DCBLD2: variants seen among roughly 807,000 people sequenced by gnomAD.
The protein encoded by DCBLD2 is discoidin, CUB and LCCL domain containing 2, also known as discoidin, CUB and LCCL domain-containing protein 2.
Under a neutral mutation model 86.8 loss-of-function variants are expected in DCBLD2, and 54 were observed. That is an observed-to-expected ratio of 0.62 (90% CI 0.50 to 0.78). The LOEUF (loss-of-function observed/expected upper bound fraction) is 0.78, where lower values mean the gene tolerates loss of function less well. Ranked by LOEUF, DCBLD2 falls within the 30% of genes least tolerant of loss-of-function variation. The pLI is 0.00. For missense variants in DCBLD2, 908 were observed against 954.2 expected (o/e 0.95, Z 0.64); for synonymous variants, 354 against 341.3 (o/e 1.04, Z -0.41).
At chr3:98,824,155 G>A (rs1942172996) in intron 4 of DCBLD2, among the ~76,000 whole-genome samples, 1 of 152,146 alleles carries the variant, frequency 6.6e-6, no homozygotes, top group Admixed American at 6.5e-5. Context: ...CTATGGTGAA[G>A]AGTATGGAAT....
intron 2 of DCBLD2, among the ~76,000 whole-genome samples, chr3:98,852,653 A>AT (rs1942861605): frequency 1.3e-5 from 2 of 152,228 alleles, no homozygotes; most frequent in African/African-American, 4.8e-5. Flanking sequence ...TGAACTAATC[A>AT]GGTAGGCCCA....
Position 98,811,473 on chromosome 3 carries a change from G to A in DCBLD2, c.1445C>T (p.Ala482Val), listed in dbSNP as rs143662022. Residue 482 changes from alanine (A) to valine (V), a missense_variant, in exon 11 of 16, where the codon GCC becomes GTC. Ala to Val is a moderately conservative substitution (Grantham distance 64). This residue lies in a region of DCBLD2 where 606 missense variants were observed against 678.5 expected (regional missense o/e 0.89). Coordinates refer to ENST00000326840, the MANE Select transcript of DCBLD2 (RefSeq NM_080927.4). ...LKNTTAPPKI[A>V]KGRAPKFTQP... ...CACATTAAAAACAGGCATACCTTTG[G>A]CTATTTTTGGAGGGGCTGTAGTGTT... 5.6e-6 allele frequency: 9 copies of A among 1,613,514 alleles called. No individual in the cohort carries two copies. Among genetic ancestry groups the A allele is most frequent in the Non-Finnish European group, 7.6e-6 (9 of 1,179,638 alleles).
intron 2 of DCBLD2, among the ~76,000 whole-genome samples, chr3:98,869,642 G>C (rs977210076): frequency 6.6e-6 from 1 of 152,146 alleles, no homozygotes; most frequent in Non-Finnish European, 1.5e-5. Flanking sequence ...ACATAAACAC[G>C]TTCTTTGAGG....
chr3:98,849,363 C>A, intron 3 of DCBLD2, 98 bp downstream of exon 3: 1 of 1,461,128 alleles, frequency 6.8e-7, no homozygotes, highest in South Asian at 1.2e-5. Flanking sequence ...TCTTTCTGCT[C>A]TATTCCAATT....
chr3:98,891,542 T>C (rs1463804735), intron 1 of DCBLD2, among the ~76,000 whole-genome samples: 1 of 152,112 alleles, frequency 6.6e-6, no homozygotes, highest in Non-Finnish European at 1.5e-5. Flanking sequence ...AAATACTAAC[T>C]GGGTCATGTA....
At chr3:98,827,627 AG>A (rs1942245743) in intron 3 of DCBLD2, among the ~76,000 whole-genome samples, 1 of 152,260 alleles carries the variant, frequency 6.6e-6, no homozygotes, top group Non-Finnish European at 1.5e-5. Context: ...GACAGCTACA[AG>A]GAGAGCCAAG....
At chr3:98,846,018 T>A (rs1942714745) in intron 3 of DCBLD2, among the ~76,000 whole-genome samples, 1 of 152,222 alleles carries the variant, frequency 6.6e-6, no homozygotes, top group Non-Finnish European at 1.5e-5. Context: ...TCGTTTAATA[T>A]CTTTTTCCAA....
chr3:98,802,623 C>T (rs1941750222), intron 13 of DCBLD2, among the ~76,000 whole-genome samples: 1 of 151,914 alleles, frequency 6.6e-6, no homozygotes, highest in African/African-American at 2.4e-5. Flanking sequence ...ACATGAAGTC[C>T]ATGTCTGTGT....
intron 3 of DCBLD2, among the ~76,000 whole-genome samples, chr3:98,846,437 G>A (rs1942724226): frequency 6.6e-6 from 1 of 152,100 alleles, no homozygotes. Context: ...TCAAATTAAT[G>A]AGTCATTATA....
intron 3 of DCBLD2, among the ~76,000 whole-genome samples, chr3:98,839,130 T>C (rs1942560593): frequency 3.8e-5 from 1 of 26,010 alleles, no homozygotes; most frequent in Admixed American, 4.2e-4. Context: ...TTTCTTTCTT[T>C]CCTTCCTTCC....
In DCBLD2 at chr3:98,879,517, G is replaced by C. The variant is rs1943425121; in HGVS notation, c.433+2023C>G. On this transcript the variant is annotated intron_variant, in intron 2 of 15. Transcript: ENST00000326840. ...TTCTCCTCCCTCAGCCTCCCAAGTA[G>C]CTGGGACTACAGGCGCCCGCCACCA... 2.0e-5 allele frequency among the ~76,000 whole-genome samples: 3 copies of C among 152,044 alleles called. No homozygotes were observed. In the South Asian group the frequency reaches 6.2e-4, roughly 32 times the overall value.
In DCBLD2 at chr3:98,799,040, C is replaced by T. The variant is rs1559765395; in HGVS notation, c.*332G>A. 1 of 209,302 alleles carries T rather than the reference C, an allele frequency of 4.8e-6. No homozygotes were observed. Among genetic ancestry groups the T allele is most frequent in the Non-Finnish European group, 9.7e-6 (1 of 103,510 alleles). The allele number at this position is 209,302 out of a possible 1,614,324, so 13.0% of individuals were successfully genotyped here. On this transcript the variant is annotated 3_prime_UTR_variant, in exon 16 of 16. Transcript: ENST00000326840. ...CAGGCTTACAGAGCCATCTCGAGTT[C>T]ATTAATGTACCTGCAGCATTGGTAA...
Position 98,799,588 on chromosome 3 carries a change from C to T in DCBLD2, c.2112G>A (p.Thr704=), listed in dbSNP as rs201886946. The change falls in exon 16 of 16, where the codon ACG becomes ACA. Residue 704 remains threonine (T), a synonymous_variant. Transcript: ENST00000326840. ...CCACTAGTGGGGGAGGTTGGTTCCC[C>T]GTAGCCTTGAAAGTGGATGTGGAGG... is the stretch of plus-strand genomic sequence containing the variant. ...GQPSTSTFKA[T]GNQPPPLVGT... 1.5e-5 allele frequency: 24 copies of T among 1,613,936 alleles called. No homozygotes were observed. In the African/African-American group the frequency reaches 2.4e-4, roughly 16 times the overall value.
At chr3:98,849,696 G>T in intron 2 of DCBLD2, 98 bp from the exon 3 acceptor site, 1 of 1,327,614 alleles carries the variant, frequency 7.5e-7, no homozygotes, top group Admixed American at 2.5e-5. Flanking sequence ...TACCAAGCTG[G>T]CTGTTAAATT....
intron 1 of DCBLD2, among the ~76,000 whole-genome samples, chr3:98,883,239 A>C (rs1027263722): frequency 6.6e-6 from 1 of 152,140 alleles, no homozygotes; most frequent in Non-Finnish European, 1.5e-5. Flanking sequence ...ATATTTCTAA[A>C]AACACTATGT....
At position 98,796,730 on chromosome 3, in the gene DCBLD2, T is replaced by A. The variant is rs2107408444; in HGVS notation, c.*2642A>T. On this transcript the variant is annotated 3_prime_UTR_variant, in exon 16 of 16. Coordinates refer to ENST00000326840, the MANE Select transcript of DCBLD2 (RefSeq NM_080927.4). The stretch of plus-strand genomic sequence containing the variant: ...ACAGGATCTATTTAGATTTACAGCA[T>A]TTAATAAAGTATAAGTCAGAATTCA... The A allele has an allele frequency of 6.5e-6, 1 of 152,778 alleles. No individual in the cohort carries two copies. The highest frequency in any genetic ancestry group is 1.5e-5 in the Non-Finnish European group (1 of 68,030). 9.5% of individuals were successfully genotyped at this position (152,778 alleles called of 1,614,324 possible). A position where few individuals can be genotyped will look rare whatever the true frequency, so the allele number is the denominator to read the frequency against.
intron 2 of DCBLD2, among the ~76,000 whole-genome samples, chr3:98,858,520 G>A (rs140234415): frequency 6.6e-6 from 1 of 152,206 alleles, no homozygotes; most frequent in Non-Finnish European, 1.5e-5. Flanking sequence ...CAAAGCAATG[G>A]AACAAATATT....
Position 98,849,169 on chromosome 3 carries a change from CAA to C in DCBLD2, c.571+290_571+291del, listed in dbSNP as rs11328978. ...GGGCAACAAGAGCAAAACTCTGTCT[CAA>C]AAAAAAAAAAAAGTTATTATAGCTC... On this transcript the variant is annotated intron_variant, in intron 3 of 15. Transcript: ENST00000326840. Among the ~76,000 whole-genome samples the C allele has an allele frequency of 8.0e-3, 1,143 of 143,098 alleles. 10 individuals carry two copies. The highest frequency in any genetic ancestry group is 0.023 in the African/African-American group (904 of 39,128). 93.9% of individuals were successfully genotyped at this position (143,098 alleles called of 152,430 possible). A position where few individuals can be genotyped will look rare whatever the true frequency, so the allele number is the denominator to read the frequency against.
chr3:98,818,917 C>T (rs144558363), intron 8 of DCBLD2, among the ~76,000 whole-genome samples: 28 of 152,276 alleles, frequency 1.8e-4, no homozygotes, highest in African/African-American at 6.7e-4. Flanking sequence ...TGGGACTTCA[C>T]TTTGTGATCA....
Sources: gnomAD v4.1 joint callset for allele counts (sites outside exome capture counted in the v4.1 genomes callset) on GRCh38, gnomAD v4.1.1 for gene constraint, gnomAD v4.1.1 regional missense constraint, MANE v1.5 for transcripts, NCBI Gene and HGNC (gene_info 2026-07-23, HGNC 2026-07-21) for gene names.